The following SSBP3 variants were observed in gnomAD, a reference collection of about 807,000 sequenced individuals.
SSBP3 encodes single stranded DNA binding protein 3, also known as single-stranded DNA-binding protein 3.
SSBP3 carries 5 observed loss-of-function variants against 69.6 expected under a neutral mutation model. That is an observed-to-expected ratio of 0.07 (90% CI 0.04 to 0.15). SSBP3 has a LOEUF of 0.15. SSBP3 is among the 10% of genes least tolerant of loss of function. SSBP3 has a pLI of 1.00. For synonymous variants in SSBP3, 196 were observed against 193.4 expected, an observed-to-expected ratio of 1.01 and a Z score of -0.11; for missense variants, 312 against 534.0, an observed-to-expected ratio of 0.58 and a Z score of 4.10.
chr1:54,240,944 C>T, exon 13 of SSBP3: 1 of 1,610,894 alleles, frequency 6.2e-7, no homozygotes, highest in Non-Finnish European at 8.5e-7. Flanking sequence ...GGAGGACCGC[C>T]ACCACCAGGG....
intron 5 of SSBP3, among the ~76,000 whole-genome samples, chr1:54,263,047 C>T (rs12737061): frequency 0.41 from 62,299 of 152,070 alleles, 12,935 homozygotes; most frequent in South Asian, 0.48. Context: ...GGTAGTGTTC[C>T]ATCCAGCAGC....
intron 4 of SSBP3, among the ~76,000 whole-genome samples, chr1:54,368,855 G>T (rs7553843): frequency 3.3e-5 from 5 of 151,942 alleles, no homozygotes; most frequent in African/African-American, 1.2e-4. Flanking sequence ...GAATCTTCAG[G>T]CAAGTCGTCT....
chr1:54,329,703 C>T (rs1279614764), intron 4 of SSBP3, among the ~76,000 whole-genome samples: 2 of 152,240 alleles, frequency 1.3e-5, no homozygotes, highest in Non-Finnish European at 2.9e-5. Context: ...CCAAGTTACA[C>T]AATCACAGGC....
intron 4 of SSBP3, among the ~76,000 whole-genome samples, chr1:54,315,831 T>A (rs1020658782): frequency 6.6e-6 from 1 of 151,950 alleles, no homozygotes; most frequent in Non-Finnish European, 1.5e-5. Context: ...CCAGCTGATT[T>A]TTTTTTCTTT....
rs1255757408 is a variant in SSBP3 at position 54,258,028 on chromosome 1, CCCCGCGT to C, written c.447+34_447+40del. The C allele has an allele frequency of 1.9e-6, 3 of 1,550,650 alleles. No homozygotes were observed. The highest frequency in any genetic ancestry group is 2.6e-6 in the Non-Finnish European group (3 of 1,145,634). On this transcript the variant is annotated intron_variant, in intron 6 of 17. Coordinates refer to ENST00000610401, the Ensembl canonical transcript of SSBP3. This position sits in a 1 kb window ranked among gnomAD's most constrained non-coding sequence, Gnocchi z 4.5. ...CTGCGGGCTCTCTGCTTCCTCCGCG[CCCCGCGT>C]CCCCGGCGGGCGGGAGCGCCACGGT...
chr1:54,313,020 C>CTT (rs534805502), intron 4 of SSBP3, among the ~76,000 whole-genome samples: 107 of 121,344 alleles, frequency 8.8e-4, no homozygotes, highest in African/African-American at 1.6e-3. Context: ...GTGCCTGGAG[C>CTT]TTTTTTTTTT....
At chr1:54,290,853 G>A (rs113378001) in intron 4 of SSBP3, among the ~76,000 whole-genome samples, 4 of 152,168 alleles carry the variant, frequency 2.6e-5, no homozygotes, top group East Asian at 1.9e-4. Flanking sequence ...TCAACAGCTC[G>A]GTATTTGTAC....
At chr1:54,246,342 G>C (rs1172404827) in intron 9 of SSBP3, among the ~76,000 whole-genome samples, 2 of 152,140 alleles carry the variant, frequency 1.3e-5, no homozygotes, top group Admixed American at 1.3e-4. Flanking sequence ...CAAGCAGCTT[G>C]CCACCTCCCC....
chr1:54,299,917 C>T (rs758817373), intron 4 of SSBP3, among the ~76,000 whole-genome samples: 4 of 152,158 alleles, frequency 2.6e-5, no homozygotes, highest in Non-Finnish European at 5.9e-5. Context: ...CCAGCTCCAC[C>T]GACATAATTC....
At position 54,282,156 on chromosome 1, in the gene SSBP3, C is replaced by T. The variant is rs370103911; in HGVS notation, c.277-629G>A. 9.3e-4 allele frequency among the ~76,000 whole-genome samples: 141 copies of T among 152,322 alleles called. 1 individual carries two copies. Among genetic ancestry groups the T allele is most frequent in the African/African-American group, 3.1e-3 (129 of 41,558 alleles). The stretch of plus-strand genomic sequence containing the variant: ...AGTGCCAAAGGTACTTCCTGCGGTG[C>T]AGAGCAGGGGTGCATGGCCAATGTG... On this transcript the variant is annotated intron_variant, in intron 4 of 17. Transcript: ENST00000610401.
chr1:54,328,720 A>C (rs1389628140), intron 4 of SSBP3, among the ~76,000 whole-genome samples: 1 of 152,232 alleles, frequency 6.6e-6, no homozygotes, highest in East Asian at 1.9e-4. Context: ...TCACACAATG[A>C]CAACCCCACA....
intron 5 of SSBP3, among the ~76,000 whole-genome samples, chr1:54,269,805 T>TA (rs1645162816): frequency 6.6e-6 from 1 of 152,060 alleles, no homozygotes; most frequent in East Asian, 1.9e-4. Context: ...GGGGTGAGGG[T>TA]AGCAGGGCTA....
chr1:54,254,202 G>A (rs1057427526), intron 7 of SSBP3, among the ~76,000 whole-genome samples: 2 of 152,214 alleles, frequency 1.3e-5, no homozygotes, highest in Non-Finnish European at 1.5e-5. Flanking sequence ...TCTGGACGGA[G>A]GCCAGCTCTT....
intron 4 of SSBP3, among the ~76,000 whole-genome samples, chr1:54,394,122 T>C (rs940461506): frequency 6.6e-6 from 1 of 152,204 alleles, no homozygotes; most frequent in Non-Finnish European, 1.5e-5. Context: ...TTACTTAAGG[T>C]GTCCATGTTT....
At chr1:54,240,083 T>TGC (rs1337756188) in intron 13 of SSBP3, among the ~76,000 whole-genome samples, 2 of 71,340 alleles carry the variant, frequency 2.8e-5, no homozygotes, top group African/African-American at 1.4e-4. Flanking sequence ...TGTGTGTGTG[T>TGC]GTGTGCGCGC....
intron 5 of SSBP3, among the ~76,000 whole-genome samples, chr1:54,277,734 T>C (rs1645315980): frequency 1.3e-5 from 2 of 152,216 alleles, no homozygotes; most frequent in African/African-American, 4.8e-5. Flanking sequence ...TGCCCTCTTG[T>C]GAGTCCCGTT....
chr1:54,332,294 C>T (rs1349278591), intron 4 of SSBP3, among the ~76,000 whole-genome samples: 1 of 152,126 alleles, frequency 6.6e-6, no homozygotes, highest in Non-Finnish European at 1.5e-5. Flanking sequence ...CAGATACACG[C>T]ATCAGCCCTG....
At chr1:54,400,530 G>A (rs1649221282) in intron 4 of SSBP3, among the ~76,000 whole-genome samples, 1 of 152,272 alleles carries the variant, frequency 6.6e-6, no homozygotes, top group East Asian at 1.9e-4. Context: ...AACCGGTGGT[G>A]ACCTCTCCCT....
At chr1:54,379,483 G>A (rs1466878238) in intron 4 of SSBP3, among the ~76,000 whole-genome samples, 1 of 152,326 alleles carries the variant, frequency 6.6e-6, no homozygotes, top group Non-Finnish European at 1.5e-5. Context: ...AGAACCCTCA[G>A]GGCTGTCTTC....
Sources: allele counts gnomAD v4.1 joint callset (sites outside exome capture counted in the v4.1 genomes callset), GRCh38; gene constraint gnomAD v4.1.1; non-coding constraint Gnocchi (gnomAD v3.1); transcripts MANE v1.5; gene names NCBI Gene and HGNC (gene_info 2026-07-23, HGNC 2026-07-21).